Variants in ARNT observed in about 807,000 individuals in gnomAD.
ARNT encodes aryl hydrocarbon receptor nuclear translocator.
ARNT carries 30 observed loss-of-function variants against 105.0 expected under a neutral mutation model. The observed-to-expected ratio is 0.29, with a 90% CI of 0.21 to 0.39. The LOEUF is 0.39. Ranked by LOEUF, ARNT falls within the 10% of genes least tolerant of loss-of-function variation. The probability of loss-of-function intolerance (pLI) is 1.00; values close to 1 mark genes in which losing one functional copy is unlikely to be tolerated. For synonymous variants in ARNT, 304 were observed against 344.0 expected (o/e 0.88, Z 1.29); for missense variants, 748 against 978.7 (o/e 0.76, Z 3.15).
At position 150,839,295 on chromosome 1, in the gene ARNT, C is replaced by T. The variant is rs1332870969; in HGVS notation, c.486+146G>A. The T allele has an allele frequency of 4.3e-6, 3 of 701,558 alleles. No individual in the cohort carries two copies. The African/African-American group carries it at 5.4e-5, about 13-fold the overall frequency. The allele number at this position is 701,558 out of a possible 1,614,324, so 43.5% of individuals were successfully genotyped here. ...TTCTCTACTTCTCATTGTCCCAATG[C>T]TAATTAATGTTATAGCCAAGGATTG... On this transcript the variant is annotated intron_variant, in intron 6 of 21. Coordinates refer to ENST00000358595, the MANE Select transcript of ARNT (RefSeq NM_001668.4).
At chr1:150,817,004 T>C (rs1571185459) in intron 17 of ARNT, 78 bp downstream of exon 17, 2 of 1,606,750 alleles carry the variant, frequency 1.2e-6, no homozygotes, top group African/African-American at 2.7e-5. Context: ...CACTGGAAGA[T>C]TACTGACTGG....
chr1:150,851,523 T>C (rs1171080686), intron 3 of ARNT, among the ~76,000 whole-genome samples: 2 of 152,288 alleles, frequency 1.3e-5, no homozygotes, highest in African/African-American at 4.8e-5. Context: ...AGAAAAATTC[T>C]TCTGCCTTGG....
chr1:150,834,809 T>G, intron 7 of ARNT, 169 bp from the exon 8 acceptor site: 1 of 542,292 alleles, frequency 1.8e-6, no homozygotes, highest in Non-Finnish European at 3.3e-6. Flanking sequence ...CCTAAAATAC[T>G]TCAATTATCA....
intron 3 of ARNT, 80 bp from the exon 4 acceptor site, chr1:150,846,387 G>T: frequency 7.2e-7 from 1 of 1,398,130 alleles, no homozygotes; most frequent in Non-Finnish European, 9.9e-7. Flanking sequence ...CTAGAAAGGG[G>T]TGAAAATATT....
chr1:150,830,046 C>T (rs898601270), intron 10 of ARNT, 66 bp from the exon 11 acceptor site: 2 of 1,559,206 alleles, frequency 1.3e-6, no homozygotes, highest in African/African-American at 2.7e-5. Flanking sequence ...AAAACTCAGA[C>T]AAGTAAAGAT....
intron 11 of ARNT, 123 bp from the exon 12 acceptor site, chr1:150,829,350 C>G (rs1269276820): frequency 3.2e-5 from 35 of 1,077,614 alleles, no homozygotes; most frequent in Non-Finnish European, 4.5e-5. Context: ...TAAACTTTCA[C>G]ATTTTATCCA....
chr1:150,833,939 T>G (rs1018259994), intron 8 of ARNT, among the ~76,000 whole-genome samples: 2 of 147,554 alleles, frequency 1.4e-5, no homozygotes, highest in Non-Finnish European at 3.0e-5. Context: ...TTCTTTTTCT[T>G]TTTTTTTTTT....
intron 3 of ARNT, among the ~76,000 whole-genome samples, chr1:150,849,663 T>C (rs770226120): frequency 6.6e-6 from 1 of 152,038 alleles, no homozygotes; most frequent in Non-Finnish European, 1.5e-5. Context: ...CTTGGGAGAC[T>C]GAGGTGGGAG....
intron 1 of ARNT, among the ~76,000 whole-genome samples, 156 bp from the exon 2 acceptor site, chr1:150,858,616 A>AAAT (rs373043653): frequency 1.4e-5 from 2 of 137,958 alleles, no homozygotes; most frequent in African/African-American, 5.4e-5. Flanking sequence ...GCTCTTCTTG[A>AAAT]TTTTTTTTTT....
intron 1 of ARNT, among the ~76,000 whole-genome samples, chr1:150,871,353 T>C (rs1667404528): frequency 1.4e-5 from 2 of 140,836 alleles, no homozygotes; most frequent in African/African-American, 5.3e-5. Context: ...CAGGCTAGAG[T>C]GCAGTGGTAC....
At chr1:150,855,909 A>ATG (rs949482861) in intron 2 of ARNT, among the ~76,000 whole-genome samples, 16 of 151,478 alleles carry the variant, frequency 1.1e-4, no homozygotes, top group East Asian at 3.9e-4. Context: ...TGTCTCCGAA[A>ATG]TGTGTGTGTG....
chr1:150,815,166 T>C (rs1655559638), intron 19 of ARNT, among the ~76,000 whole-genome samples: 1 of 152,128 alleles, frequency 6.6e-6, no homozygotes, highest in Non-Finnish European at 1.5e-5. Context: ...AAACTATTAC[T>C]TGTATAACAT....
intron 1 of ARNT, among the ~76,000 whole-genome samples, chr1:150,873,990 A>T (rs2102525056): frequency 6.6e-6 from 1 of 150,838 alleles, no homozygotes; most frequent in African/African-American, 2.4e-5. Context: ...AATATTTTTT[A>T]AAATCTTGAC....
intron 14 of ARNT, 61 bp downstream of exon 14, chr1:150,823,133 G>A: frequency 7.1e-7 from 1 of 1,400,228 alleles, no homozygotes. Flanking sequence ...GGCATCAGAA[G>A]TGTTTTCTGT....
chr1:150,872,114 G>A (rs1457793015), intron 1 of ARNT, among the ~76,000 whole-genome samples: 4 of 151,916 alleles, frequency 2.6e-5, no homozygotes, highest in Non-Finnish European at 5.9e-5. Flanking sequence ...GCACCACAGT[G>A]CCCGGAAAAT....
intron 3 of ARNT, among the ~76,000 whole-genome samples, chr1:150,851,181 G>A (rs1189600500): frequency 2.2e-4 from 33 of 148,740 alleles, no homozygotes; most frequent in Admixed American, 5.3e-4. Flanking sequence ...CAGCCACCCC[G>A]TCCAGGAGAG....
chr1:150,829,520 G>C (rs1431441873), intron 11 of ARNT: 2 of 598,098 alleles, frequency 3.3e-6, no homozygotes. Context: ...GGTTGATATG[G>C]TACAAGTAAC....
chr1:150,851,163 C>T (rs1223705288), intron 3 of ARNT, among the ~76,000 whole-genome samples: 7 of 149,902 alleles, frequency 4.7e-5, no homozygotes, highest in South Asian at 2.1e-4. Flanking sequence ...GGGCAGCCCC[C>T]GCCTGGCCAG....
At chr1:150,816,432 G>T (rs1284741832) in intron 18 of ARNT, 26 bp from the exon 19 acceptor site, 3 of 1,594,700 alleles carry the variant, frequency 1.9e-6, no homozygotes, top group Non-Finnish European at 2.6e-6. Flanking sequence ...TGAGGTAAAA[G>T]ATTAAAAGGA....
Sources: gnomAD v4.1 joint callset for allele counts (sites outside exome capture counted in the v4.1 genomes callset) on GRCh38, gnomAD v4.1.1 for gene constraint, MANE v1.5 for transcripts, NCBI Gene and HGNC (gene_info 2026-07-23, HGNC 2026-07-21) for gene names.